TUSC3: variants seen among roughly 807,000 people sequenced by gnomAD.
TUSC3 encodes tumor suppressor candidate 3.
Under a neutral mutation model 44.8 loss-of-function variants are expected in TUSC3, and 45 were observed. That is an observed-to-expected ratio of 1.00 (90% CI 0.79 to 1.29). The LOEUF is 1.29. Ranked by LOEUF, TUSC3 falls within the 50% of genes most tolerant of loss-of-function variation. The pLI is 0.00. For missense variants in TUSC3, 519 were observed against 437.9 expected (o/e 1.19, Z -1.65); for synonymous variants, 212 against 152.9 (o/e 1.39, Z -2.85).
intron 1 of TUSC3, among the ~76,000 whole-genome samples, chr8:15,554,899 C>A (rs1802187312): frequency 6.6e-6 from 1 of 151,214 alleles, no homozygotes; most frequent in East Asian, 2.0e-4. Flanking sequence ...GCCACCGCAC[C>A]CGGCCAACAT....
chr8:15,748,666 A>C (rs1041630160), intron 9 of TUSC3: 2 of 728,404 alleles, frequency 2.7e-6, no homozygotes, highest in South Asian at 2.7e-5. Flanking sequence ...TTGTTCCCTG[A>C]CAGCATGTAG....
At chr8:15,448,994 T>C (rs1800149647) in intron 1 of TUSC3, among the ~76,000 whole-genome samples, 1 of 152,190 alleles carries the variant, frequency 6.6e-6, no homozygotes, top group Non-Finnish European at 1.5e-5. Flanking sequence ...TAGTAGTGTC[T>C]AGTAATGTCC....
At chr8:15,703,249 C>G (rs144727949) in intron 6 of TUSC3, among the ~76,000 whole-genome samples, 1 of 152,042 alleles carries the variant, frequency 6.6e-6, no homozygotes, top group Non-Finnish European at 1.5e-5. Flanking sequence ...AGATATGTAA[C>G]TTGAGCCTAA....
intron 5 of TUSC3, among the ~76,000 whole-genome samples, chr8:15,670,037 CA>C (rs1327867981): frequency 6.6e-6 from 1 of 151,686 alleles, no homozygotes; most frequent in African/African-American, 2.4e-5. Context: ...CATAGCATCA[CA>C]AAAAGTTTTG....
the TUSC3 span, among the ~76,000 whole-genome samples, chr8:15,776,214 A>G: frequency 6.6e-6 from 1 of 152,114 alleles, no homozygotes; most frequent in Admixed American, 6.6e-5. Context: ...GCTAAAATTA[A>G]AAATACGTGG....
the TUSC3 span, among the ~76,000 whole-genome samples, chr8:15,832,309 G>A: frequency 1.7e-4 from 26 of 152,074 alleles, no homozygotes; most frequent in Non-Finnish European, 2.1e-4. Context: ...TGGAAAGACT[G>A]TTACCAAAAA....
intron 1 of TUSC3, among the ~76,000 whole-genome samples, chr8:15,419,424 T>C (rs546371508): frequency 6.6e-6 from 1 of 152,336 alleles, no homozygotes; most frequent in African/African-American, 2.4e-5. Context: ...ATTTTTAGTC[T>C]TTGCTTCTTT....
intron 3 of TUSC3, among the ~76,000 whole-genome samples, chr8:15,658,036 A>G (rs1311753867): frequency 1.3e-5 from 2 of 152,154 alleles, no homozygotes; most frequent in African/African-American, 4.8e-5. Flanking sequence ...TGGAGCCCTC[A>G]TAGCCTAATC....
intron 2 of TUSC3, among the ~76,000 whole-genome samples, chr8:15,509,614 A>G (rs1015234045): frequency 3.3e-5 from 5 of 152,178 alleles, no homozygotes; most frequent in African/African-American, 1.2e-4. Flanking sequence ...TCTCAAAAAA[A>G]AAAATCATAA....
At chr8:15,704,607 A>G (rs1809541158) in intron 6 of TUSC3, among the ~76,000 whole-genome samples, 1 of 150,622 alleles carries the variant, frequency 6.6e-6, no homozygotes, top group Non-Finnish European at 1.5e-5. Flanking sequence ...GGTTCTCCAC[A>G]GAACACATAA....
the TUSC3 span, among the ~76,000 whole-genome samples, chr8:15,821,681 G>A: frequency 2.6e-5 from 4 of 151,758 alleles, no homozygotes; most frequent in African/African-American, 2.4e-5. Context: ...AACACCCTAA[G>A]CCAGGTTCCT....
At chr8:15,580,883 A>C (rs1430053387) in intron 1 of TUSC3, among the ~76,000 whole-genome samples, 1 of 141,262 alleles carries the variant, frequency 7.1e-6, no homozygotes, top group Admixed American at 7.2e-5. Context: ...AGATTGGGGA[A>C]GTTCTCCTGG....
At chr8:15,448,779 T>C (rs934212595) in intron 1 of TUSC3, among the ~76,000 whole-genome samples, 1 of 152,156 alleles carries the variant, frequency 6.6e-6, no homozygotes, top group Non-Finnish European at 1.5e-5. Context: ...AGAGTACTGC[T>C]AAAATAGGTA....
intron 1 of TUSC3, among the ~76,000 whole-genome samples, chr8:15,438,426 T>C (rs1264416359): frequency 1.3e-5 from 2 of 150,884 alleles, no homozygotes; most frequent in African/African-American, 2.4e-5. Context: ...AGATGCTGCA[T>C]ATAAAGTATG....
chr8:15,508,480 T>TTTTTTTTA (rs1801088656), intron 2 of TUSC3, among the ~76,000 whole-genome samples: 1 of 137,286 alleles, frequency 7.3e-6, no homozygotes, highest in African/African-American at 2.9e-5. Flanking sequence ...TTTTTTTTTT[T>TTTTTTTTA]GAGAAGGAGT....
intron 1 of TUSC3, among the ~76,000 whole-genome samples, chr8:15,606,769 G>C (rs191656065): frequency 1.2e-4 from 19 of 152,036 alleles, no homozygotes; most frequent in African/African-American, 4.6e-4. Context: ...TCCTAGAAAT[G>C]GCATTGATGA....
chr8:15,771,961 C>T, the TUSC3 span, among the ~76,000 whole-genome samples: 523 of 151,944 alleles, frequency 3.4e-3, 1 homozygote, highest in African/African-American at 0.012. Context: ...TGGTAGAGGG[C>T]GCCTGTAGTC....
chr8:15,734,062 C>T (rs538161474), intron 7 of TUSC3, among the ~76,000 whole-genome samples: 1 of 152,262 alleles, frequency 6.6e-6, no homozygotes, highest in East Asian at 1.9e-4. Flanking sequence ...AGTTATTTTT[C>T]AATAATTTCT....
At chr8:15,619,426 A>C (rs547968040) in intron 1 of TUSC3, among the ~76,000 whole-genome samples, 48 of 152,172 alleles carry the variant, frequency 3.2e-4, no homozygotes, top group Non-Finnish European at 6.5e-4. Flanking sequence ...GAAAGAAAAC[A>C]ATTTAGAAGT....
Sources: allele counts gnomAD v4.1 joint callset (sites outside exome capture counted in the v4.1 genomes callset), GRCh38; gene constraint gnomAD v4.1.1; transcripts MANE v1.5; gene names NCBI Gene and HGNC (gene_info 2026-07-23, HGNC 2026-07-21).